MCF2L2: variants seen among roughly 807,000 people sequenced by gnomAD.
MCF2L2 encodes the protein MCF.2 cell line derived transforming sequence-like 2, also known as probable guanine nucleotide exchange factor MCF2L2.
Under a neutral mutation model 150.2 loss-of-function variants are expected in MCF2L2, and 102 were observed. The observed-to-expected ratio is 0.68, with a 90% CI of 0.58 to 0.80. The LOEUF (loss-of-function observed/expected upper bound fraction) is 0.80, where lower values mean the gene tolerates loss of function less well. Ranked by LOEUF, MCF2L2 falls within the 30% of genes least tolerant of loss-of-function variation. The pLI, the probability that MCF2L2 is intolerant of heterozygous loss-of-function variation, is 0.00. For missense variants in MCF2L2, 1,256 were observed against 1,372.8 expected (o/e 0.91, Z 1.34); for synonymous variants, 465 against 491.3 (o/e 0.95, Z 0.71).
Position 183,399,551 on chromosome 3 carries a change from C to T in MCF2L2, c.77-9772G>A, listed in dbSNP as rs529986493. ...TCTGTCCTGCTGGCTTCCAAGTACA[C>T]GGAAAGCACACTTAGAAATGATGAT... On this transcript the variant is annotated intron_variant, in intron 1 of 29. Coordinates refer to ENST00000328913, the MANE Select transcript of MCF2L2 (RefSeq NM_015078.4). 5.9e-5 allele frequency among the ~76,000 whole-genome samples: 9 copies of T among 152,294 alleles called. No individual in the cohort carries two copies. The East Asian group carries it at 1.2e-3, about 20-fold the overall frequency.
At chr3:183,327,551 C>T (rs919076735) in intron 5 of MCF2L2, among the ~76,000 whole-genome samples, 9 of 152,146 alleles carry the variant, frequency 5.9e-5, no homozygotes, top group African/African-American at 1.7e-4. Flanking sequence ...ATAATGATCT[C>T]GAAACAATTA....
intron 15 of MCF2L2, among the ~76,000 whole-genome samples, chr3:183,251,643 C>T (rs1236382061): frequency 1.3e-5 from 2 of 152,124 alleles, no homozygotes; most frequent in Non-Finnish European, 2.9e-5. Flanking sequence ...TTATTATTAC[C>T]TAAGTTTATT....
intron 15 of MCF2L2, chr3:183,273,361 T>G (rs1028674688): frequency 4.6e-6 from 1 of 216,528 alleles, no homozygotes; most frequent in African/African-American, 2.3e-5. Flanking sequence ...AAATCTATAG[T>G]TTCCAATAAA....
chr3:183,205,377 T>TCAAAA (rs1337998027), intron 25 of MCF2L2, among the ~76,000 whole-genome samples: 1 of 151,868 alleles, frequency 6.6e-6, no homozygotes, highest in Admixed American at 6.6e-5. Context: ...AAACTCCATC[T>TCAAAA]CAAAACAAAA....
intron 3 of MCF2L2, among the ~76,000 whole-genome samples, chr3:183,368,530 G>A (rs1327495196): frequency 6.6e-6 from 1 of 152,100 alleles, no homozygotes; most frequent in African/African-American, 2.4e-5. Context: ...TTGGGAGGCC[G>A]AGGCGGGCAA....
At chr3:183,356,122 C>G (rs1346407614) in intron 3 of MCF2L2, among the ~76,000 whole-genome samples, 3 of 135,470 alleles carry the variant, frequency 2.2e-5, no homozygotes, top group Non-Finnish European at 4.7e-5. Flanking sequence ...AAGAAAGACT[C>G]AAAAGAAGAA....
At chr3:183,213,365 A>T (rs1722805357) in intron 22 of MCF2L2, among the ~76,000 whole-genome samples, 1 of 152,084 alleles carries the variant, frequency 6.6e-6, no homozygotes, top group South Asian at 2.1e-4. Flanking sequence ...ATTAAATTAG[A>T]CCCAGGACTA....
At position 183,197,198 on chromosome 3, in the gene MCF2L2, T is replaced by G. The variant is rs1722106827; in HGVS notation, c.2885-1943A>C. Among the ~76,000 whole-genome samples, 2 of 152,160 alleles carry G rather than the reference T, an allele frequency of 1.3e-5. No individual in the cohort carries two copies. The highest frequency in any genetic ancestry group is 1.3e-4 in the Admixed American group (2 of 15,270). The stretch of plus-strand genomic sequence containing the variant: ...ACTTTAAAAAGGAAGAACAAAATTA[T>G]AGGACTCTAACTACCTCATTTTAAG... On this transcript the variant is annotated intron_variant, in intron 25 of 29. Coordinates refer to ENST00000328913, the MANE Select transcript of MCF2L2 (RefSeq NM_015078.4). The surrounding 1 kb of genome is among the most constrained non-coding windows in gnomAD (Gnocchi z 4.5).
In MCF2L2 at chr3:183,257,958, C is replaced by CTTTTTTT. The variant is rs35323502; in HGVS notation, c.1862+18907_1862+18913dup. Among the ~76,000 whole-genome samples the CTTTTTTT allele has an allele frequency of 8.1e-3, 525 of 64,746 alleles. 117 individuals are homozygous for CTTTTTTT. The highest frequency in any genetic ancestry group is 0.031 in the African/African-American group (444 of 14,404). 42.5% of individuals were successfully genotyped at this position (64,746 alleles called of 152,430 possible). A position where few individuals can be genotyped will look rare whatever the true frequency, so the allele number is the denominator to read the frequency against. ...TATTCCTTGCTCCCTCCACTTCACC[C>CTTTTTTT]TTTTTTTTTTTTTTTTTTTTTTTTT... On this transcript the variant is annotated intron_variant, in intron 15 of 29. Transcript: ENST00000328913.
chr3:183,420,021 C>CTT (rs1330858325), intron 1 of MCF2L2, among the ~76,000 whole-genome samples: 77 of 152,324 alleles, frequency 5.1e-4, no homozygotes, highest in Non-Finnish European at 7.3e-5. Context: ...CATGAGTGAC[C>CTT]TTTACTCCAG....
intron 9 of MCF2L2, among the ~76,000 whole-genome samples, chr3:183,310,054 C>G (rs554096154): frequency 6.6e-6 from 1 of 152,102 alleles, no homozygotes; most frequent in African/African-American, 2.4e-5. Flanking sequence ...CTATATTCAA[C>G]AGATAATCAA....
intron 15 of MCF2L2, among the ~76,000 whole-genome samples, chr3:183,239,678 A>G (rs940956419): frequency 3.3e-5 from 5 of 151,674 alleles, no homozygotes; most frequent in Admixed American, 2.6e-4. Context: ...ATTTGCCATC[A>G]AGAGTTTTCA....
chr3:183,266,815 C>G (rs2108436204), intron 15 of MCF2L2, among the ~76,000 whole-genome samples: 1 of 147,280 alleles, frequency 6.8e-6, no homozygotes, highest in East Asian at 2.0e-4. Flanking sequence ...GAGATGGAAT[C>G]TCATTCTGTC....
At chr3:183,402,883 C>CA (rs748507299) in intron 1 of MCF2L2, among the ~76,000 whole-genome samples, 35 of 150,296 alleles carry the variant, frequency 2.3e-4, no homozygotes, top group South Asian at 8.4e-4. Flanking sequence ...TATATATATA[C>CA]GAAATTTAAA....
intron 10 of MCF2L2, among the ~76,000 whole-genome samples, chr3:183,304,710 G>C (rs1436324819): frequency 6.6e-6 from 1 of 151,516 alleles, no homozygotes; most frequent in African/African-American, 2.4e-5. Flanking sequence ...CTGAGCTCAG[G>C]CAATTCACCC....
chr3:183,206,195 C>A lies in MCF2L2; in HGVS notation c.2732G>T (p.Arg911Leu), dbSNP rs781608777. Residue 911 changes from arginine to leucine, a missense_variant, in exon 24 of 30, where the codon CGC becomes CTC. Physicochemically the swap from Arg to Leu is moderately radical, Grantham distance 102. Coordinates refer to ENST00000328913, the MANE Select transcript of MCF2L2 (RefSeq NM_015078.4). ...TCTATGGCTCCCCCTTCCAAGCTGG[C>A]GAATTGAAAGTGTCATCAGCTATTA... Reference protein sequence around the residue: ...KTMKLMTLSIRQLGRGSHRKF... With the variant: ...KTMKLMTLSILQLGRGSHRKF... The A allele has an allele frequency of 6.2e-7, 1 of 1,613,860 alleles. No individual in the cohort carries two copies. Among genetic ancestry groups the A allele is most frequent in the Non-Finnish European group, 8.5e-7 (1 of 1,179,776 alleles).
chr3:183,392,425 G>A (rs1043169413), intron 1 of MCF2L2, among the ~76,000 whole-genome samples: 3 of 151,978 alleles, frequency 2.0e-5, no homozygotes, highest in Non-Finnish European at 4.4e-5. Flanking sequence ...GGAATCTGAG[G>A]TTTGCCCATC....
At chr3:183,358,009 C>T (rs1434367570) in intron 3 of MCF2L2, among the ~76,000 whole-genome samples, 3 of 152,072 alleles carry the variant, frequency 2.0e-5, no homozygotes, top group Non-Finnish European at 4.4e-5. Context: ...TATTAGTGGC[C>T]GGGTGCCGTG....
chr3:183,254,817 G>A (rs1461027766), intron 15 of MCF2L2: 3 of 152,280 alleles, frequency 2.0e-5, no homozygotes, highest in African/African-American at 7.2e-5. Flanking sequence ...CGGGGAGACT[G>A]CAGCCGCAGA....
Sources: gnomAD v4.1 joint callset for allele counts (sites outside exome capture counted in the v4.1 genomes callset) on GRCh38, gnomAD v4.1.1 for gene constraint, Gnocchi (gnomAD v3.1) non-coding constraint, MANE v1.5 for transcripts, NCBI Gene and HGNC (gene_info 2026-07-23, HGNC 2026-07-21) for gene names.